DHX8: variants seen among roughly 807,000 people sequenced by gnomAD.
The protein encoded by DHX8 is ATP-dependent RNA helicase DHX8.
A neutral mutation model predicts 140.7 loss-of-function variants in DHX8; 67 were observed. That is an observed-to-expected ratio of 0.48 (90% CI 0.39 to 0.58). The LOEUF (loss-of-function observed/expected upper bound fraction) is 0.58. DHX8 is among the 20% of genes least tolerant of loss of function. The pLI is 0.00. For synonymous variants in DHX8, 533 were observed against 553.2 expected, an observed-to-expected ratio of 0.96 and a Z score of 0.51; for missense variants, 887 against 1,550.7, an observed-to-expected ratio of 0.57 and a Z score of 7.19.
At chr17:43,529,935 G>C (rs983237636), downstream of DHX8, 6 of 1,614,160 alleles carry the variant, frequency 3.7e-6, no homozygotes, top group Non-Finnish European at 5.1e-6. Context: ...GGTCGCAGAG[G>C]TTTCTCATAG....
chr17:43,521,666 C>G, intron 21 of DHX8, 101 bp downstream of exon 21: 1 of 1,126,726 alleles, frequency 8.9e-7, no homozygotes, highest in South Asian at 1.6e-5. Flanking sequence ...GGCACCTTTT[C>G]TCTTGCTCCT....
chr17:43,512,562 G>A (rs186105171), intron 16 of DHX8, among the ~76,000 whole-genome samples: 1 of 152,258 alleles, frequency 6.6e-6, no homozygotes, highest in Admixed American at 6.5e-5. Flanking sequence ...AACATGGGAG[G>A]AGGCTTGAGT....
intron 10 of DHX8, 124 bp downstream of exon 10, chr17:43,499,083 C>T: frequency 1.4e-6 from 1 of 691,140 alleles, no homozygotes; most frequent in South Asian, 1.9e-5. Context: ...TGGCTGTTAG[C>T]CAGGGTCTAT....
intron 2 of DHX8, chr17:43,533,177 G>A: frequency 6.2e-7 from 1 of 1,613,376 alleles, no homozygotes; most frequent in Admixed American, 1.7e-5. Context: ...GGGTTTCCCT[G>A]TCTCCTTACC....
intron 1 of DHX8, among the ~76,000 whole-genome samples, chr17:43,486,083 C>G (rs1230467236): frequency 8.1e-6 from 1 of 123,206 alleles, no homozygotes; most frequent in African/African-American, 3.0e-5. Flanking sequence ...TGGTGCTATG[C>G]AGGAGGCTGA....
At position 43,492,258 on chromosome 17, in the gene DHX8, G is replaced by A. The variant is rs1968565260; in HGVS notation, c.469G>A (p.Ala157Thr). The A allele has an allele frequency of 6.2e-7, 1 of 1,614,032 alleles. No homozygotes were observed. Among genetic ancestry groups the A allele is most frequent in the Non-Finnish European group, 8.5e-7 (1 of 1,179,900 alleles). The change falls in exon 5 of 23, where the codon GCA (alanine) becomes ACA (threonine). Residue 157 changes from alanine (A) to threonine (T), a missense_variant. By Grantham distance (58) the Ala-to-Thr change is moderately conservative. Transcript: ENST00000262415. ...ACTGGAAGCTTTAATGCCCAGCGCAGCAGGCCAGGAGAAGCAAAGAGATGC... is the reference window on the plus strand; with the variant it reads ...ACTGGAAGCTTTAATGCCCAGCGCAACAGGCCAGGAGAAGCAAAGAGATGC... ...KELEALMPSA[A>T]GQEKQRDAEH...
intron 1 of DHX8, among the ~76,000 whole-genome samples, chr17:43,487,057 C>A (rs902128043): frequency 6.6e-6 from 1 of 152,096 alleles, no homozygotes; most frequent in African/African-American, 2.4e-5. Context: ...TAGCTCCCCC[C>A]AGTTATTATT....
rs1175842047 is a variant in DHX8 at position 43,507,895 on chromosome 17, TC to T, written c.2199del (p.Ile734PhefsTer28). On this transcript the variant is annotated frameshift_variant, in exon 15 of 23. Transcript: ENST00000262415. LOFTEE classifies it high-confidence loss of function. ...AGTTTTCTCAATACTTCTATGAAGC[TC>T]CCATTTTCACCATCCCAGGTCGAAC... Reference protein sequence around the residue: ...VKFSQYFYEAPIFTIPGRTYP... With the variant: ...VKFSQYFYEAXIFTIPGRTYP... 1 of 1,614,168 alleles carries T rather than the reference TC, an allele frequency of 6.2e-7. No homozygotes were observed. Among genetic ancestry groups the T allele is most frequent in the Non-Finnish European group, 8.5e-7 (1 of 1,180,028 alleles).
At position 43,493,670 on chromosome 17, in the gene DHX8, T is replaced by G. The variant is rs768286256; in HGVS notation, c.1009-13T>G. 6.2e-7 allele frequency: 1 copy of G among 1,614,214 alleles called. No homozygotes were observed. Among genetic ancestry groups the G allele is most frequent in the South Asian group, 1.1e-5 (1 of 91,084 alleles). ...ACAGCAAGTGAGACAGCTCCCTTGTTTTTGTGCCTTAGGATGTGGATCAAG... is the reference window on the plus strand; with the variant it reads ...ACAGCAAGTGAGACAGCTCCCTTGTGTTTGTGCCTTAGGATGTGGATCAAG... On this transcript the variant is annotated splice_polypyrimidine_tract_variant and intron_variant, in intron 7 of 22. Transcript: ENST00000262415.
At chr17:43,543,276 ACTCTCT>A (rs60214474) in intron 3 of DHX8, among the ~76,000 whole-genome samples, 3 of 138,138 alleles carry the variant, frequency 2.2e-5, no homozygotes, top group South Asian at 4.9e-4. Context: ...ACACACACAC[ACTCTCT>A]CTCTCTCTCT....
intron 3 of DHX8, chr17:43,544,083 A>C (rs1598221317): frequency 6.6e-6 from 1 of 152,196 alleles, no homozygotes; most frequent in East Asian, 1.9e-4. Context: ...CATAGTGTTA[A>C]AATAAACCCT....
At chr17:43,515,341 G>A (rs8074114) in intron 17 of DHX8, among the ~76,000 whole-genome samples, 4,844 of 152,080 alleles carry the variant, frequency 0.032, 274 homozygotes, top group African/African-American at 0.11. Flanking sequence ...GGCGCATGCC[G>A]CCATGACCAC....
At chr17:43,535,597 G>A (rs1971197991) in intron 2 of DHX8, among the ~76,000 whole-genome samples, 1 of 152,200 alleles carries the variant, frequency 6.6e-6, no homozygotes, top group African/African-American at 2.4e-5. Flanking sequence ...TTTCTCAACA[G>A]TGGCACTACT....
At chr17:43,503,096 C>G (rs891521777) in intron 11 of DHX8, among the ~76,000 whole-genome samples, 1 of 152,146 alleles carries the variant, frequency 6.6e-6, no homozygotes, top group African/African-American at 2.4e-5. Flanking sequence ...GGCAAGGTGG[C>G]TCACACCTGT....
chr17:43,500,167 G>C, intron 11 of DHX8, 64 bp downstream of exon 11: 1 of 1,563,430 alleles, frequency 6.4e-7, no homozygotes. Flanking sequence ...AACACAGGGA[G>C]GGGTCACTCC....
intron 2 of DHX8, chr17:43,533,933 G>A: frequency 1.9e-6 from 3 of 1,562,594 alleles, no homozygotes; most frequent in Middle Eastern, 1.7e-4. Flanking sequence ...CCGGGTCTGT[G>A]CGGGGACTCT....
chr17:43,522,237 A>G lies in DHX8; in HGVS notation c.3443+11A>G, dbSNP rs974359149. 3.1e-6 allele frequency: 5 copies of G among 1,611,338 alleles called. No homozygotes were observed. Among genetic ancestry groups the G allele is most frequent in the Non-Finnish European group, 2.5e-6 (3 of 1,178,046 alleles). On this transcript the variant is annotated intron_variant, in intron 22 of 22. Transcript: ENST00000262415. The stretch of plus-strand genomic sequence containing the variant: ...CAGACAGCCAGAATGGTAGGTGGAC[A>G]TGTCCCAGGGTCTAGGGGCTTTTCT...
intron 12 of DHX8, among the ~76,000 whole-genome samples, chr17:43,505,592 C>T (rs1054823330): frequency 1.3e-5 from 2 of 152,008 alleles, no homozygotes; most frequent in African/African-American, 4.8e-5. Context: ...TGTGCGTGTA[C>T]AGACACACAT....
At chr17:43,506,213 C>T (rs1358901339) in intron 12 of DHX8, among the ~76,000 whole-genome samples, 1 of 151,794 alleles carries the variant, frequency 6.6e-6, no homozygotes, top group Non-Finnish European at 1.5e-5. Flanking sequence ...ACTATATTGT[C>T]CAGGCTGGTC....
Sources: gnomAD v4.1 joint callset for allele counts (sites outside exome capture counted in the v4.1 genomes callset) on GRCh38, gnomAD v4.1.1 for gene constraint, MANE v1.5 for transcripts, NCBI Gene and HGNC (gene_info 2026-07-23, HGNC 2026-07-21) for gene names.